The following DIS3L2 variants were observed in gnomAD, a reference collection of about 807,000 sequenced individuals.
DIS3L2 encodes DIS3 like 3'-5' exoribonuclease 2.
In DIS3L2, 34 loss-of-function variants were observed where a neutral mutation model predicts 97.5. The ratio of observed to expected loss-of-function variants is 0.35; its 90% CI spans 0.27 to 0.46. The LOEUF (loss-of-function observed/expected upper bound fraction) is 0.46, where lower values mean the gene tolerates loss of function less well. DIS3L2 is among the 20% of genes least tolerant of loss of function. DIS3L2 has a pLI of 1.00. For synonymous variants in DIS3L2, 435 were observed against 445.2 expected, an observed-to-expected ratio of 0.98 and a Z score of 0.29; for missense variants, 1,038 against 1,146.0, an observed-to-expected ratio of 0.91 and a Z score of 1.36.
intron 6 of DIS3L2, among the ~76,000 whole-genome samples, chr2:232,119,944 A>G (rs918705347): frequency 5.3e-5 from 8 of 152,206 alleles, no homozygotes; most frequent in African/African-American, 1.7e-4. Context: ...TTCCTCTCTT[A>G]TTCCTTGGGT....
chr2:232,120,356 C>A (rs1465661110), intron 6 of DIS3L2, among the ~76,000 whole-genome samples: 2 of 152,162 alleles, frequency 1.3e-5, no homozygotes, highest in Non-Finnish European at 2.9e-5. Flanking sequence ...CACTTCCGAG[C>A]TGGTCACCAT....
In DIS3L2 at chr2:232,014,836, G is replaced by A. The variant is rs1467478490; in HGVS notation, c.-92G>A. On this transcript the variant is annotated splice_region_variant and 5_prime_UTR_variant, in exon 2 of 21. Coordinates refer to ENST00000325385, the MANE Select transcript of DIS3L2 (RefSeq NM_152383.5). ...TTACCAATCTCTTCTTGGTTTCAGC[G>A]AATGACAACAGAGCTGCTCAAGGCG... 3.6e-6 allele frequency: 5 copies of A among 1,391,066 alleles called. No homozygotes were observed. Among genetic ancestry groups the A allele is most frequent in the East Asian group, 2.3e-5 (1 of 42,814 alleles). The allele number at this position is 1,391,066 out of a possible 1,614,324, so 86.2% of individuals were successfully genotyped here.
intron 1 of DIS3L2, among the ~76,000 whole-genome samples, chr2:232,009,800 G>C (rs1278828393): frequency 6.6e-6 from 1 of 152,134 alleles, no homozygotes; most frequent in Non-Finnish European, 1.5e-5. Context: ...GCCCAGTCTG[G>C]CTGTCTCATT....
chr2:232,342,172 CAT>C (rs996853344), downstream of DIS3L2, among the ~76,000 whole-genome samples: 18 of 151,658 alleles, frequency 1.2e-4, no homozygotes, highest in South Asian at 4.2e-4. Flanking sequence ...TACACATACA[CAT>C]ATATACACGT....
chr2:232,249,981 A>G (rs1182349741), intron 12 of DIS3L2, among the ~76,000 whole-genome samples: 1 of 152,190 alleles, frequency 6.6e-6, no homozygotes, highest in African/African-American at 2.4e-5. Flanking sequence ...TCTGGGCATA[A>G]GGAAAAAGAT....
At chr2:232,058,556 A>C (rs75668915) in intron 5 of DIS3L2, among the ~76,000 whole-genome samples, 1 of 152,158 alleles carries the variant, frequency 6.6e-6, no homozygotes, top group Admixed American at 6.5e-5. Flanking sequence ...CCTTTATGCT[A>C]TGTACTGGGA....
intron 9 of DIS3L2, among the ~76,000 whole-genome samples, chr2:232,169,484 T>C (rs1358744974): frequency 6.6e-6 from 1 of 152,142 alleles, no homozygotes; most frequent in Non-Finnish European, 1.5e-5. Flanking sequence ...TGCTGTAATA[T>C]AGGTATGAAC....
At chr2:232,191,265 A>G (rs756637148) in intron 9 of DIS3L2, among the ~76,000 whole-genome samples, 39 of 152,138 alleles carry the variant, frequency 2.6e-4, no homozygotes, top group Non-Finnish European at 2.6e-4. Flanking sequence ...CGACATACAC[A>G]TTTTTGGACT....
chr2:232,036,442 G>A (rs1694951312), intron 5 of DIS3L2, among the ~76,000 whole-genome samples: 1 of 152,080 alleles, frequency 6.6e-6, no homozygotes, highest in Non-Finnish European at 1.5e-5. Context: ...AATGTTCTTA[G>A]CTTTCTTGCA....
At chr2:232,187,579 A>T (rs533592766) in intron 9 of DIS3L2, among the ~76,000 whole-genome samples, 1 of 152,160 alleles carries the variant, frequency 6.6e-6, no homozygotes, top group South Asian at 2.1e-4. Flanking sequence ...AGTAGCTGGG[A>T]CTACAGGTGC....
intron 5 of DIS3L2, among the ~76,000 whole-genome samples, chr2:232,056,366 AAAC>A (rs147366104): frequency 0.81 from 120,525 of 149,072 alleles, 49,717 homozygotes; most frequent in East Asian, 0.93. Context: ...CTCCATCTCA[AAAC>A]AACAACAACA....
intron 1 of DIS3L2, among the ~76,000 whole-genome samples, chr2:231,986,012 A>G (rs964170938): frequency 3.3e-4 from 50 of 152,146 alleles, no homozygotes; most frequent in African/African-American, 9.6e-4. Flanking sequence ...TCTGGCTTTT[A>G]TTTTTTGCCC....
rs76437697 is a variant in DIS3L2, at chr2:232,300,442, A to T, written c.1739+323A>T. ...AGTCATGTGCCTGCTTGTTTGGTTC[A>T]CTGTGTGACTTTGGCTTTGTTGTAG... On this transcript the variant is annotated intron_variant, in intron 14 of 20. Transcript: ENST00000325385. Among the ~76,000 whole-genome samples, 355 of 152,112 alleles carry T rather than the reference A, an allele frequency of 2.3e-3. 1 individual carries two copies. Among genetic ancestry groups the T allele is most frequent in the Non-Finnish European group, 4.2e-3 (285 of 67,976 alleles).
rs1245080700 is a variant in DIS3L2 at position 232,130,713 on chromosome 2, A to G, written c.696A>G (p.Ser232=). The change falls in exon 7 of 21, where the codon TCA becomes TCG. Residue 232 remains serine, a synonymous_variant. Transcript: ENST00000325385. ...TATCGGAGAAATCCCTGCAAAGATCAGCAAAGGTCATTGCCTACAGATTTT... is the reference window on the plus strand; with the variant it reads ...TATCGGAGAAATCCCTGCAAAGATCGGCAAAGGTCATTGCCTACAGATTTT... ...RALSEKSLQR[S]AKVVYILEKK... The G allele has an allele frequency of 1.2e-6, 2 of 1,613,926 alleles. No individual in the cohort carries two copies.
chr2:231,992,328 T>G, intron 1 of DIS3L2, among the ~76,000 whole-genome samples: 1 of 151,694 alleles, frequency 6.6e-6, no homozygotes, highest in East Asian at 1.9e-4. Context: ...GCTTGAAGAG[T>G]ACGGGCCATG....
At chr2:232,070,163 C>T (rs1266492239) in intron 5 of DIS3L2, among the ~76,000 whole-genome samples, 1 of 152,122 alleles carries the variant, frequency 6.6e-6, no homozygotes, top group African/African-American at 2.4e-5. Context: ...GAAATCCAGT[C>T]CTTCTATCTC....
chr2:232,333,954 G>T lies in DIS3L2; in HGVS notation c.2125G>T (p.Val709Phe). 1 of 1,612,652 alleles carries T rather than the reference G, an allele frequency of 6.2e-7. No individual in the cohort carries two copies. Among genetic ancestry groups the T allele is most frequent in the East Asian group, 2.2e-5 (1 of 44,870 alleles). Residue 709 changes from valine to phenylalanine, a missense_variant, in exon 17 of 21, where the codon GTC becomes TTC. Coordinates refer to ENST00000325385, the MANE Select transcript of DIS3L2 (RefSeq NM_152383.5). ...CTCGCCCATCCGCCGCTTTGCCGAC[G>T]TCCTGGTGCACCGCCTCCTGGCTGC... ...FTSPIRRFAD[V>F]LVHRLLAAAL... is the part of the protein sequence containing the mutation.
intron 1 of DIS3L2, among the ~76,000 whole-genome samples, chr2:231,991,182 C>T (rs374973851): frequency 3.3e-5 from 5 of 152,142 alleles, no homozygotes; most frequent in East Asian, 1.9e-4. Flanking sequence ...GCTAGGATTA[C>T]AGGCGTCAGC....
At chr2:232,207,832 A>G (rs1486400725) in intron 9 of DIS3L2, among the ~76,000 whole-genome samples, 1 of 152,208 alleles carries the variant, frequency 6.6e-6, no homozygotes, top group East Asian at 1.9e-4. Context: ...TACAAACAAT[A>G]TATTTACAAA....
Sources: allele counts gnomAD v4.1 joint callset (sites outside exome capture counted in the v4.1 genomes callset), GRCh38; gene constraint gnomAD v4.1.1; transcripts MANE v1.5; gene names NCBI Gene and HGNC (gene_info 2026-07-23, HGNC 2026-07-21).